COL23A1: variants seen among roughly 807,000 people sequenced by gnomAD.
COL23A1 encodes collagen type XXIII alpha 1 chain.
A neutral mutation model predicts 99.3 loss-of-function variants in COL23A1; 97 were observed. That is an observed-to-expected ratio of 0.98 (90% CI 0.83 to 1.16). The LOEUF (loss-of-function observed/expected upper bound fraction) is 1.16, where lower values mean the gene tolerates loss of function less well. Ranked by LOEUF, COL23A1 falls within the 50% of genes most tolerant of loss-of-function variation. The pLI, the probability that COL23A1 is intolerant of heterozygous loss-of-function variation, is 0.00. For synonymous variants in COL23A1, 320 were observed against 308.2 expected (o/e 1.04, Z -0.40); for missense variants, 762 against 757.4 (o/e 1.01, Z -0.07).
intron 4 of COL23A1, chr5:178,288,554 C>T (rs115564454): frequency 0.059 from 37,469 of 634,132 alleles, 1,375 homozygotes; most frequent in Non-Finnish European, 0.075. Flanking sequence ...CTGGAGGGAC[C>T]AAGAGCCTCA....
At chr5:178,342,531 C>T (rs1022670954) in intron 2 of COL23A1, among the ~76,000 whole-genome samples, 2 of 152,192 alleles carry the variant, frequency 1.3e-5, no homozygotes, top group African/African-American at 2.4e-5. Flanking sequence ...TTGAGCTTCC[C>T]TGGGTTGAGT....
chr5:178,391,554 G>A (rs1316244358), intron 2 of COL23A1, among the ~76,000 whole-genome samples: 2 of 152,168 alleles, frequency 1.3e-5, no homozygotes, highest in African/African-American at 4.8e-5. Context: ...CACTAGGATG[G>A]CCAGAATAAA....
At chr5:178,548,398 A>T (rs1761826078) in intron 2 of COL23A1, among the ~76,000 whole-genome samples, 1 of 152,020 alleles carries the variant, frequency 6.6e-6, no homozygotes, top group Admixed American at 6.5e-5. Context: ...TCATCCTGGC[A>T]AGTGGCACCA....
chr5:178,398,365 G>A (rs563794797), intron 2 of COL23A1, among the ~76,000 whole-genome samples: 2 of 152,264 alleles, frequency 1.3e-5, no homozygotes, highest in South Asian at 2.1e-4. Flanking sequence ...GGTGGCTCAC[G>A]CCTGTAATCC....
chr5:178,423,888 T>A (rs142604906), intron 2 of COL23A1, among the ~76,000 whole-genome samples: 7 of 152,264 alleles, frequency 4.6e-5, no homozygotes, highest in African/African-American at 1.7e-4. Context: ...TGTCTGCGCG[T>A]CTGCAAACAT....
intron 1 of COL23A1, among the ~76,000 whole-genome samples, chr5:178,573,655 C>T (rs1005085810): frequency 9.8e-5 from 15 of 152,294 alleles, no homozygotes; most frequent in Non-Finnish European, 1.9e-4. Context: ...ATATTCACAG[C>T]AGTTTTATTA....
chr5:178,375,354 G>A (rs1395979280), intron 2 of COL23A1, among the ~76,000 whole-genome samples: 1 of 152,202 alleles, frequency 6.6e-6, no homozygotes, highest in Non-Finnish European at 1.5e-5. Context: ...CTCTCCCCTG[G>A]ATTCTCCAAA....
At chr5:178,292,246 C>A (rs535227772) in intron 3 of COL23A1, among the ~76,000 whole-genome samples, 1 of 152,114 alleles carries the variant, frequency 6.6e-6, no homozygotes, top group African/African-American at 2.4e-5. Flanking sequence ...CCTGCACCTG[C>A]CCTCCTCTCC....
At chr5:178,271,074 C>A (rs1401206300) in intron 5 of COL23A1, among the ~76,000 whole-genome samples, 1 of 152,186 alleles carries the variant, frequency 6.6e-6, no homozygotes, top group Non-Finnish European at 1.5e-5. Context: ...AGAGTGGGGG[C>A]ACTCAGGGAC....
intron 2 of COL23A1, among the ~76,000 whole-genome samples, chr5:178,322,015 C>T (rs1487827950): frequency 9.8e-4 from 143 of 145,810 alleles, no homozygotes; most frequent in African/African-American, 3.5e-3. Flanking sequence ...TTTTTTGAGA[C>T]GGAGTCTTGC....
intron 2 of COL23A1, among the ~76,000 whole-genome samples, chr5:178,421,581 A>G (rs1765635361): frequency 6.6e-6 from 1 of 152,216 alleles, no homozygotes; most frequent in South Asian, 2.1e-4. Context: ...TTAACAGAGC[A>G]GACAGGGCCA....
At chr5:178,381,645 G>GT (rs113488669) in intron 2 of COL23A1, among the ~76,000 whole-genome samples, 2 of 152,038 alleles carry the variant, frequency 1.3e-5, no homozygotes, top group African/African-American at 2.4e-5. Flanking sequence ...GCCTGGAGTG[G>GT]TTTTTTTTGA....
At position 178,531,037 on chromosome 5, in the gene COL23A1, T is replaced by C. The variant is rs537197329; in HGVS notation, c.361+29645A>G. ...CACGCGCCACCACGCCTGGCTAATT[T>C]TGTATTTTTTAGTAGACACGGGGTT... is the stretch of plus-strand genomic sequence containing the variant. On this transcript the variant is annotated intron_variant, in intron 2 of 28. Transcript: ENST00000390654. Among the ~76,000 whole-genome samples, 71 of 152,242 alleles carry C rather than the reference T, an allele frequency of 4.7e-4. 2 individuals carry two copies. In the South Asian group the frequency reaches 0.015, roughly 32 times the overall value.
Position 178,269,518 on chromosome 5 carries a change from C to T in COL23A1, c.469-762G>A, listed in dbSNP as rs59626500. ...ATCCACCCATCCACCCATCCACCCACCCATCCACCCACCCATCTATCCACC... is the reference window on the plus strand; with the variant it reads ...ATCCACCCATCCACCCATCCACCCATCCATCCACCCACCCATCTATCCACC... On this transcript the variant is annotated intron_variant, in intron 6 of 28. Coordinates refer to ENST00000390654, the MANE Select transcript of COL23A1 (RefSeq NM_173465.4). Among the ~76,000 whole-genome samples the T allele has an allele frequency of 2.7e-3, 208 of 78,092 alleles. 3 individuals are homozygous for T. Among genetic ancestry groups the T allele is most frequent in the African/African-American group, 7.8e-3 (129 of 16,644 alleles). 51.2% of individuals were successfully genotyped at this position (78,092 alleles called of 152,430 possible).
At chr5:178,413,041 G>A (rs935999453) in intron 2 of COL23A1, among the ~76,000 whole-genome samples, 2 of 151,920 alleles carry the variant, frequency 1.3e-5, no homozygotes, top group Non-Finnish European at 2.9e-5. Flanking sequence ...AAAATAGCTG[G>A]GCATACTGGT....
At chr5:178,284,805 A>G (rs1312582908) in intron 5 of COL23A1, among the ~76,000 whole-genome samples, 2 of 152,242 alleles carry the variant, frequency 1.3e-5, no homozygotes, top group Non-Finnish European at 2.9e-5. Context: ...ATTGTATTTT[A>G]GATTATGAGA....
chr5:178,494,058 T>C (rs1210608352), intron 2 of COL23A1, among the ~76,000 whole-genome samples: 1 of 152,252 alleles, frequency 6.6e-6, no homozygotes, highest in Non-Finnish European at 1.5e-5. Context: ...TGTTTTGGCA[T>C]TCAGATCTGT....
At position 178,377,126 on chromosome 5, in the gene COL23A1, C is replaced by T. The variant is rs568836500; in HGVS notation, c.362-70207G>A. Among the ~76,000 whole-genome samples, 16 of 152,314 alleles carry T rather than the reference C, an allele frequency of 1.1e-4. No individual in the cohort carries two copies. The South Asian group carries it at 3.1e-3, about 30-fold the overall frequency. ...TTGCAGATTGATGGGACTACGCGGG[C>T]CACGCACAGGAAAGCGTCTGAGTCA... On this transcript the variant is annotated intron_variant, in intron 2 of 28. Coordinates refer to ENST00000390654, the MANE Select transcript of COL23A1 (RefSeq NM_173465.4).
intron 2 of COL23A1, among the ~76,000 whole-genome samples, chr5:178,522,125 AT>A (rs1368655293): frequency 6.6e-6 from 1 of 152,248 alleles, no homozygotes; most frequent in African/African-American, 2.4e-5. Context: ...ACTTTGTGCC[AT>A]ATAAACATTA....
Sources: allele counts gnomAD v4.1 joint callset (sites outside exome capture counted in the v4.1 genomes callset), GRCh38; gene constraint gnomAD v4.1.1; transcripts MANE v1.5; gene names NCBI Gene and HGNC (gene_info 2026-07-23, HGNC 2026-07-21).